The following ITGA9 variants were observed in gnomAD, a reference collection of about 807,000 sequenced individuals.
ITGA9 encodes the protein integrin alpha-9.
ITGA9 carries 56 observed loss-of-function variants against 127.8 expected under a neutral mutation model. The ratio of observed to expected loss-of-function variants is 0.44; its 90% CI spans 0.35 to 0.55. The LOEUF (loss-of-function observed/expected upper bound fraction) is 0.55, where lower values mean the gene tolerates loss of function less well. Ranked by LOEUF, ITGA9 falls within the 20% of genes least tolerant of loss-of-function variation. The pLI is 0.00. For synonymous variants in ITGA9, 508 were observed against 514.5 expected (o/e 0.99, Z 0.17); for missense variants, 1,196 against 1,347.1 (o/e 0.89, Z 1.76).
chr3:37,724,382 A>G (rs147082745), intron 18 of ITGA9, among the ~76,000 whole-genome samples: 3 of 152,326 alleles, frequency 2.0e-5, no homozygotes, highest in Admixed American at 6.5e-5. Flanking sequence ...GCACCCTGCT[A>G]TGAGCTCTTG....
intron 15 of ITGA9, among the ~76,000 whole-genome samples, chr3:37,581,696 A>G (rs1699711331): frequency 6.6e-6 from 1 of 152,236 alleles, no homozygotes; most frequent in African/African-American, 2.4e-5. Context: ...CCACCTTGTT[A>G]ACACCGTAGA....
chr3:37,516,950 T>C (rs1252196175), intron 9 of ITGA9, among the ~76,000 whole-genome samples: 1 of 152,150 alleles, frequency 6.6e-6, no homozygotes, highest in Non-Finnish European at 1.5e-5. Flanking sequence ...GCATGAATAA[T>C]AGGCACAGTG....
At chr3:37,745,174 G>A (rs895997303) in intron 22 of ITGA9, among the ~76,000 whole-genome samples, 3 of 152,190 alleles carry the variant, frequency 2.0e-5, no homozygotes, top group East Asian at 3.8e-4. Flanking sequence ...AGGGTCTAGA[G>A]AATGTGGCAG....
intron 15 of ITGA9, among the ~76,000 whole-genome samples, chr3:37,566,596 C>T (rs1457862177): frequency 4.6e-5 from 7 of 152,168 alleles, no homozygotes; most frequent in Non-Finnish European, 8.8e-5. Flanking sequence ...TTGGCAAGGC[C>T]AGGTGGGATA....
intron 17 of ITGA9, among the ~76,000 whole-genome samples, chr3:37,667,888 A>T (rs941810098): frequency 1.3e-5 from 2 of 152,354 alleles, no homozygotes; most frequent in African/African-American, 2.4e-5. Context: ...CTCACTTTAA[A>T]TAACCATTGC....
At chr3:37,812,170 A>G (rs543728701) in intron 27 of ITGA9, among the ~76,000 whole-genome samples, 20 of 152,204 alleles carry the variant, frequency 1.3e-4, no homozygotes, top group African/African-American at 4.3e-4. Context: ...CCATGTGCCA[A>G]TGACATTCAG....
At position 37,558,147 on chromosome 3, in the gene ITGA9, G is replaced by T. The variant is rs1357892475; in HGVS notation, c.1689+15562G>T. On this transcript the variant is annotated intron_variant, in intron 15 of 27. Coordinates refer to ENST00000264741, the MANE Select transcript of ITGA9 (RefSeq NM_002207.3). Reference sequence around the variant, plus strand: ...AGGAAAGCTCAATGTGGGTCTGTGAGTCCAGGGCAGGCAGGAGTCCTGGGG... The same window carrying T: ...AGGAAAGCTCAATGTGGGTCTGTGATTCCAGGGCAGGCAGGAGTCCTGGGG... Among the ~76,000 whole-genome samples, 4 of 152,214 alleles carry T rather than the reference G, an allele frequency of 2.6e-5. No homozygotes were observed. The South Asian group carries it at 6.2e-4, about 24-fold the overall frequency.
rs1372404351 is a variant in ITGA9 at position 37,548,576 on chromosome 3, AC to A, written c.1689+5993del. Among the ~76,000 whole-genome samples the A allele has an allele frequency of 2.0e-5, 3 of 152,052 alleles. No homozygotes were observed. The East Asian group carries it at 5.8e-4, about 29-fold the overall frequency. On this transcript the variant is annotated intron_variant, in intron 15 of 27. Coordinates refer to ENST00000264741, the MANE Select transcript of ITGA9 (RefSeq NM_002207.3). ...TTTTCACTATTCCTTGATTTATTTA[AC>A]CTGTCCAGGTGGTCTTCTATATGTC...
intron 15 of ITGA9, among the ~76,000 whole-genome samples, chr3:37,574,264 C>T (rs979238136): frequency 6.6e-6 from 1 of 152,168 alleles, no homozygotes; most frequent in African/African-American, 2.4e-5. Flanking sequence ...TTGCCACTCC[C>T]CACCAAAATA....
intron 23 of ITGA9, among the ~76,000 whole-genome samples, chr3:37,752,792 G>T (rs944631648): frequency 6.6e-6 from 1 of 152,232 alleles, no homozygotes. Flanking sequence ...TTTTGTGTTT[G>T]CCCAAAGCAT....
intron 23 of ITGA9, among the ~76,000 whole-genome samples, chr3:37,763,999 C>T (rs980352668): frequency 5.3e-5 from 8 of 152,134 alleles, no homozygotes; most frequent in African/African-American, 1.7e-4. Context: ...AGAATACAAT[C>T]GAGATGTCTC....
At position 37,627,506 on chromosome 3, in the gene ITGA9, G is replaced by A. The variant is rs555797398; in HGVS notation, c.1690-1681G>A. On this transcript the variant is annotated intron_variant, in intron 15 of 27. Transcript: ENST00000264741. The stretch of plus-strand genomic sequence containing the variant: ...CACAAGCTTCTGTGGCCCCGTACAC[G>A]TAGGACTACCACCGCTTACTTGGAG... 3.3e-4 allele frequency among the ~76,000 whole-genome samples: 50 copies of A among 152,322 alleles called. No individual in the cohort carries two copies. In the Middle Eastern group the frequency reaches 0.01, roughly 31 times the overall value.
At chr3:37,485,610 T>A (rs1321202114) in intron 4 of ITGA9, among the ~76,000 whole-genome samples, 2 of 152,136 alleles carry the variant, frequency 1.3e-5, no homozygotes, top group Non-Finnish European at 2.9e-5. Context: ...CCAGCTGTGC[T>A]CCTTTACAAC....
intron 15 of ITGA9, among the ~76,000 whole-genome samples, chr3:37,600,250 GA>G: frequency 6.6e-6 from 1 of 152,096 alleles, no homozygotes; most frequent in East Asian, 1.9e-4. Context: ...GAGGAATAAG[GA>G]ATTAAGGTAT....
intron 4 of ITGA9, among the ~76,000 whole-genome samples, chr3:37,485,668 C>T (rs58629253): frequency 0.069 from 10,469 of 152,138 alleles, 551 homozygotes; most frequent in African/African-American, 0.15. Flanking sequence ...GTGGGGATCT[C>T]TCCAAAATGT....
intron 1 of ITGA9, among the ~76,000 whole-genome samples, chr3:37,468,838 CTT>C (rs983141270): frequency 2.6e-5 from 4 of 152,188 alleles, no homozygotes; most frequent in Admixed American, 6.5e-5. Flanking sequence ...AATTCCCTCT[CTT>C]TTCTAGGCTG....
At chr3:37,669,006 T>C (rs1700611555) in intron 17 of ITGA9, among the ~76,000 whole-genome samples, 1 of 152,128 alleles carries the variant, frequency 6.6e-6, no homozygotes, top group Non-Finnish European at 1.5e-5. Context: ...CGTGTGAGAC[T>C]TGGGTTTAAC....
chr3:37,789,239 C>T (rs1162537778), intron 26 of ITGA9, among the ~76,000 whole-genome samples: 1 of 152,116 alleles, frequency 6.6e-6, no homozygotes, highest in Non-Finnish European at 1.5e-5. Flanking sequence ...GAAAGTAAAA[C>T]TTAAATGAGG....
At chr3:37,707,254 G>T (rs1285001096) in intron 18 of ITGA9, among the ~76,000 whole-genome samples, 1 of 152,094 alleles carries the variant, frequency 6.6e-6, no homozygotes, top group Non-Finnish European at 1.5e-5. Context: ...TCAGTAATTT[G>T]CAAATATTTA....
Sources: gnomAD v4.1 joint callset for allele counts (sites outside exome capture counted in the v4.1 genomes callset) on GRCh38, gnomAD v4.1.1 for gene constraint, MANE v1.5 for transcripts, NCBI Gene and HGNC (gene_info 2026-07-23, HGNC 2026-07-21) for gene names.